The following SLC25A48 variants were observed in gnomAD, a reference collection of about 807,000 sequenced individuals.
SLC25A48 encodes the protein CTC-321K16.1.
In SLC25A48, 29 loss-of-function variants were observed where a neutral mutation model predicts 32.2. That is an observed-to-expected ratio of 0.90 (90% confidence interval 0.67 to 1.23). SLC25A48 has a LOEUF of 1.23. Among genes scored for constraint, SLC25A48 ranks in the 50% most tolerant of loss-of-function variants. SLC25A48 has a pLI of 0.00. For synonymous variants in SLC25A48, 164 were observed against 172.3 expected, an observed-to-expected ratio of 0.95 and a Z score of 0.38; for missense variants, 399 against 422.7, an observed-to-expected ratio of 0.94 and a Z score of 0.49.
At chr5:135,625,808 T>C (rs1352841883) in intron 1 of SLC25A48, among the ~76,000 whole-genome samples, 5 of 152,060 alleles carry the variant, frequency 3.3e-5, no homozygotes, top group Admixed American at 3.3e-4. Flanking sequence ...GTGCTGGCTA[T>C]GACAACAACC....
intron 3 of SLC25A48, among the ~76,000 whole-genome samples, chr5:135,777,424 A>T (rs1321077775): frequency 6.6e-6 from 1 of 151,702 alleles, no homozygotes; most frequent in Non-Finnish European, 1.5e-5. Context: ...GGGAGAGAGA[A>T]TGATATTACT....
At chr5:135,866,411 G>T (rs1024388938) in intron 4 of SLC25A48, among the ~76,000 whole-genome samples, 1 of 152,240 alleles carries the variant, frequency 6.6e-6, no homozygotes, top group South Asian at 2.1e-4. Flanking sequence ...CTTTGTGTTT[G>T]TGTCTGAGGA....
intron 3 of SLC25A48, among the ~76,000 whole-genome samples, chr5:135,785,296 C>A (rs1756808757): frequency 6.6e-6 from 1 of 152,048 alleles, no homozygotes; most frequent in Non-Finnish European, 1.5e-5. Context: ...GGAACACCTC[C>A]CTTGCTCCAT....
At chr5:135,676,729 C>T (rs114884502) in intron 3 of SLC25A48, among the ~76,000 whole-genome samples, 3,820 of 151,966 alleles carry the variant, frequency 0.025, 169 homozygotes, top group African/African-American at 0.084. Context: ...AGGGGTTATT[C>T]AGGAGCATGT....
intron 6 of SLC25A48, chr5:135,875,622 A>G (rs1473249426): frequency 3.9e-5 from 6 of 152,242 alleles, no homozygotes; most frequent in Non-Finnish European, 7.3e-5. Context: ...TAGTTTTCAA[A>G]TGCTTATTTT....
chr5:135,590,153 C>T lies in SLC25A48; in HGVS notation c.-849+10556C>T, dbSNP rs192844853. Among the ~76,000 whole-genome samples, 44 of 152,322 alleles carry T rather than the reference C, an allele frequency of 2.9e-4. No homozygotes were observed. In the East Asian group the frequency reaches 6.8e-3, roughly 23 times the overall value. ...TGTTCAGGGCTCCCTGTACCTATCC[C>T]ATATCCATGGCAAGATAAAACCCTT... On this transcript the variant is annotated intron_variant, in intron 1 of 10. Transcript: ENST00000646290.
At chr5:135,833,107 C>T (rs7703728), upstream of SLC25A48, among the ~76,000 whole-genome samples, 752 of 152,342 alleles carry the variant, frequency 4.9e-3, 3 homozygotes, top group African/African-American at 0.017. Flanking sequence ...TGCTGGTAAA[C>T]CTAGGGTCCT....
chr5:135,836,298 G>T (rs1475124722), intron 1 of SLC25A48, among the ~76,000 whole-genome samples: 1 of 151,210 alleles, frequency 6.6e-6, no homozygotes, highest in Non-Finnish European at 1.5e-5. Flanking sequence ...TTACTTTGGT[G>T]ATGTTATTGA....
intron 3 of SLC25A48, among the ~76,000 whole-genome samples, chr5:135,800,856 TAACATCC>T (rs1259781416): frequency 6.6e-6 from 1 of 150,682 alleles, no homozygotes; most frequent in Non-Finnish European, 1.5e-5. Context: ...ATATGGTTCG[TAACATCC>T]AGAGGGGGAG....
At chr5:135,803,888 A>G (rs76680791) in intron 3 of SLC25A48, among the ~76,000 whole-genome samples, 1,981 of 151,730 alleles carry the variant, frequency 0.013, 48 homozygotes, top group East Asian at 0.083. Context: ...TAGGAGTATT[A>G]TCTTCATAGG....
chr5:135,604,424 C>A (rs961813969), intron 1 of SLC25A48, among the ~76,000 whole-genome samples: 15 of 152,160 alleles, frequency 9.9e-5, no homozygotes, highest in Non-Finnish European at 2.2e-4. Flanking sequence ...ATAAATCGAG[C>A]CTTTCCTGAA....
chr5:135,645,418 C>G (rs1051121675), intron 3 of SLC25A48, among the ~76,000 whole-genome samples: 1 of 152,220 alleles, frequency 6.6e-6, no homozygotes, highest in Admixed American at 6.5e-5. Flanking sequence ...GCTGGCGTCA[C>G]CACTAGAAAG....
chr5:135,608,002 T>C (rs190237392), intron 1 of SLC25A48, among the ~76,000 whole-genome samples: 10 of 151,156 alleles, frequency 6.6e-5, no homozygotes, highest in Admixed American at 6.0e-4. Flanking sequence ...CTTAAGAATA[T>C]TATACAGATG....
intron 3 of SLC25A48, 95 bp downstream of exon 3, chr5:135,850,591 C>A (rs1759776039): frequency 9.0e-7 from 1 of 1,112,834 alleles, no homozygotes; most frequent in Non-Finnish European, 1.3e-6. Flanking sequence ...CAGGTGGGGG[C>A]CTCTCATCCT....
chr5:135,676,206 A>G (rs1753765047), intron 3 of SLC25A48, among the ~76,000 whole-genome samples: 1 of 151,734 alleles, frequency 6.6e-6, no homozygotes, highest in South Asian at 2.1e-4. Context: ...TCTTGATCCA[A>G]TCTTAGTATG....
chr5:135,761,402 T>C (rs1233335208), intron 3 of SLC25A48, among the ~76,000 whole-genome samples: 2 of 152,158 alleles, frequency 1.3e-5, no homozygotes, highest in Non-Finnish European at 2.9e-5. Flanking sequence ...TATACATATG[T>C]AACAAACCTG....
intron 3 of SLC25A48, among the ~76,000 whole-genome samples, chr5:135,693,713 C>T (rs2126960123): frequency 6.6e-6 from 1 of 152,346 alleles, no homozygotes; most frequent in African/African-American, 2.4e-5. Flanking sequence ...CATAGCTGCC[C>T]TCCTGGCTTT....
At chr5:135,637,019 G>A (rs906857946) in intron 3 of SLC25A48, among the ~76,000 whole-genome samples, 1 of 152,214 alleles carries the variant, frequency 6.6e-6, no homozygotes, top group African/African-American at 2.4e-5. Flanking sequence ...AAAGCCAGCT[G>A]CTGTGAACAA....
At chr5:135,822,820 G>T (rs1333363610) in intron 4 of SLC25A48, among the ~76,000 whole-genome samples, 2 of 152,086 alleles carry the variant, frequency 1.3e-5, no homozygotes, top group Non-Finnish European at 2.9e-5. Context: ...TGTCCCTTCT[G>T]CTTGGCACAG....
Sources: gnomAD v4.1 joint callset for allele counts (sites outside exome capture counted in the v4.1 genomes callset) on GRCh38, gnomAD v4.1.1 for gene constraint, MANE v1.5 for transcripts, NCBI Gene and HGNC (gene_info 2026-07-23, HGNC 2026-07-21) for gene names.